The following TYK2 variants were observed in gnomAD, a reference collection of about 807,000 sequenced individuals.
The protein encoded by TYK2 is tyrosine kinase 2.
A neutral mutation model predicts 130.9 loss-of-function variants in TYK2; 65 were observed. The ratio of observed to expected loss-of-function variants is 0.50; its 90% CI spans 0.41 to 0.61. TYK2 has a LOEUF of 0.61. Ranked by LOEUF, TYK2 falls within the 20% of genes least tolerant of loss-of-function variation. The pLI, the probability that TYK2 is intolerant of heterozygous loss-of-function variation, is 0.00. For missense variants in TYK2, 1,378 were observed against 1,610.7 expected (o/e 0.86, Z 2.47); for synonymous variants, 647 against 658.9 (o/e 0.98, Z 0.28).
rs370899700 is a variant in TYK2 at position 10,354,247 on chromosome 19, G to C, written c.2716-13C>G. 1.2e-6 allele frequency: 2 copies of C among 1,609,446 alleles called. No homozygotes were observed. The highest frequency in any genetic ancestry group is 2.2e-5 in the South Asian group (2 of 91,014). On this transcript the variant is annotated splice_polypyrimidine_tract_variant and intron_variant, in intron 19 of 24. Transcript: ENST00000525621. ...TGCCGAAGTGACCCTGGTCGGGAGC[G>C]CACGAGGGTCAGCTCCACCTCCCCA... is the stretch of plus-strand genomic sequence containing the variant.
At chr19:10,373,196 C>T (rs917852028) in intron 3 of TYK2, among the ~76,000 whole-genome samples, 1 of 151,376 alleles carries the variant, frequency 6.6e-6, no homozygotes, top group Non-Finnish European at 1.5e-5. Context: ...GCCACCACGC[C>T]CGGCTAATTT....
At chr19:10,366,236 C>A (rs769259621) in intron 6 of TYK2, among the ~76,000 whole-genome samples, 181 bp downstream of exon 6, 2 of 151,522 alleles carry the variant, frequency 1.3e-5, no homozygotes, top group Non-Finnish European at 2.9e-5. Context: ...GAACCTGGGA[C>A]GCAGAGGTTG....
Position 10,361,942 on chromosome 19 carries a change from C to G in TYK2, c.1787G>C (p.Gly596Ala), listed in dbSNP as rs1437896674. The change falls in exon 13 of 25, where the codon GGC becomes GCC. Residue 596 changes from glycine to alanine, a missense_variant. Gly to Ala is a moderately conservative substitution (Grantham distance 60). Transcript: ENST00000525621. The surrounding 1 kb of genome is among the most constrained non-coding windows in gnomAD (Gnocchi z 4.0). ...ATACACGTTGGTCCTTGTGCCCTGG[C>G]CCAAGTGGGACAGCTGCGGGATCAT... ...QKEITQLSHL[G>A]QGTRTNVYEG... is the part of the protein sequence containing the mutation. 4 of 1,613,948 alleles carry G rather than the reference C, an allele frequency of 2.5e-6. No homozygotes were observed. The African/African-American group carries it at 5.3e-5, about 22-fold the overall frequency.
At chr19:10,370,240 T>C (rs1273701328) in intron 3 of TYK2, among the ~76,000 whole-genome samples, 1 of 151,580 alleles carries the variant, frequency 6.6e-6, no homozygotes, top group Non-Finnish European at 1.5e-5. Flanking sequence ...GTGCCTGTAA[T>C]TCCAGCTACT....
chr19:10,353,900 A>T lies in TYK2; in HGVS notation c.2908+142T>A. On this transcript the variant is annotated intron_variant, in intron 20 of 24. Coordinates refer to ENST00000525621, the MANE Select transcript of TYK2 (RefSeq NM_003331.5). The surrounding 1 kb of genome is among the most constrained non-coding windows in gnomAD (Gnocchi z 6.9). The stretch of plus-strand genomic sequence containing the variant: ...GGAAGGAGGCAGCCCAGCCACGCTC[A>T]CCCAGATGCCAAGAACCGCGTACTG... 1.1e-6 allele frequency: 1 copy of T among 945,648 alleles called. No homozygotes were observed. Among genetic ancestry groups the T allele is most frequent in the Non-Finnish European group, 1.6e-6 (1 of 616,410 alleles). 58.6% of individuals were successfully genotyped at this position (945,648 alleles called of 1,614,324 possible).
At position 10,353,789 on chromosome 19, in the gene TYK2, G is replaced by C. The variant is rs533669041; in HGVS notation, c.2909-143C>G. ...CTAGACCCAGTTCTCAGGTGGGATG[G>C]ACCCATCCAGAACCCCATTCTCACT... On this transcript the variant is annotated intron_variant, in intron 20 of 24. Transcript: ENST00000525621. This position sits in a 1 kb window ranked among gnomAD's most constrained non-coding sequence, Gnocchi z 6.9. 5.9e-5 allele frequency: 41 copies of C among 691,626 alleles called. 1 individual carries two copies. In the South Asian group the frequency reaches 7.8e-4, roughly 13 times the overall value. The allele number at this position is 691,626 out of a possible 1,614,324, so 42.8% of individuals were successfully genotyped here.
At chr19:10,368,981 G>T (rs1599356949) in intron 3 of TYK2, among the ~76,000 whole-genome samples, 1 of 151,956 alleles carries the variant, frequency 6.6e-6, no homozygotes, top group African/African-American at 2.4e-5. Flanking sequence ...GCTAGTTTTT[G>T]TATTTTTAGA....
intron 3 of TYK2, among the ~76,000 whole-genome samples, chr19:10,376,135 C>T (rs796557249): frequency 2.6e-4 from 39 of 147,990 alleles, no homozygotes; most frequent in East Asian, 1.5e-3. Flanking sequence ...GCCTCAGCCT[C>T]CTGAGTAGCT....
intron 5 of TYK2, among the ~76,000 whole-genome samples, chr19:10,367,770 A>C (rs2041733179): frequency 6.6e-6 from 1 of 151,306 alleles, no homozygotes; most frequent in Non-Finnish European, 1.5e-5. Context: ...AATACAAAAA[A>C]TTAGCTGGGC....
At position 10,378,350 on chromosome 19, in the gene TYK2, G is replaced by A. The variant is rs756971471; in HGVS notation, c.57C>T (p.Ala19=). ...ARGSKPVGDG[A]QPMAAMGGLK... ...GGCCTCCCATGGCAGCCATGGGCTGGGCTCCATCCCCAACGGGCTTACTGC... is the reference window on the plus strand; with the variant it reads ...GGCCTCCCATGGCAGCCATGGGCTGAGCTCCATCCCCAACGGGCTTACTGC... The change falls in exon 3 of 25, where the codon GCC becomes GCT. Residue 19 remains alanine (A), a synonymous_variant. Coordinates refer to ENST00000525621, the MANE Select transcript of TYK2 (RefSeq NM_003331.5). 3.8e-5 allele frequency: 62 copies of A among 1,612,458 alleles called. No individual in the cohort carries two copies. The South Asian group carries it at 6.4e-4, about 17-fold the overall frequency.
Position 10,350,885 on chromosome 19 carries a change from T to C in TYK2, c.3513A>G (p.Thr1171=). ...TFENLIPILK[T]VHEKYQGQAP... is the part of the protein sequence containing the mutation. ...CCTGGCCTTGGTACTTCTCATGGAC[T>C]GTCTTCAGAATGGGTATGAGGTTCT... The change falls in exon 25 of 25, where the codon ACA becomes ACG. Residue 1171 remains threonine, a synonymous_variant. Coordinates refer to ENST00000525621, the MANE Select transcript of TYK2 (RefSeq NM_003331.5). 6.2e-7 allele frequency: 1 copy of C among 1,614,166 alleles called. No individual in the cohort carries two copies. Among genetic ancestry groups the C allele is most frequent in the Non-Finnish European group, 8.5e-7 (1 of 1,180,032 alleles).
chr19:10,378,833 A>ACATCTTATCTTATCTTATCTTATCT (rs1319897948), intron 2 of TYK2, among the ~76,000 whole-genome samples: 18 of 148,916 alleles, frequency 1.2e-4, no homozygotes, highest in South Asian at 2.1e-4. Flanking sequence ...GTTTTATTTT[A>ACATCTTATCTTATCTTATCTTATCT]TATCTTATCT....
At chr19:10,369,980 C>T (rs1173354237) in intron 3 of TYK2, 1 of 324,896 alleles carries the variant, frequency 3.1e-6, no homozygotes, top group African/African-American at 2.2e-5. Flanking sequence ...GGAGGTGGAA[C>T]TTGCAGTGAG....
At chr19:10,377,500 GTGGGTGAGTGGGTGA>G (rs2042174396) in intron 3 of TYK2, among the ~76,000 whole-genome samples, 1 of 84,478 alleles carries the variant, frequency 1.2e-5, no homozygotes, top group African/African-American at 4.6e-5. Flanking sequence ...GCATGGATAG[GTGGGTGAGTGGGTGA>G]GTGGGTGGGT....
intron 18 of TYK2, among the ~76,000 whole-genome samples, chr19:10,356,204 C>T (rs2041091025): frequency 1.3e-5 from 2 of 152,084 alleles, no homozygotes; most frequent in South Asian, 4.1e-4. Flanking sequence ...CATGGCAAAA[C>T]CCCACCTCTA....
rs532739710 is a variant in TYK2 at position 10,354,010 on chromosome 19, C to T, written c.2908+32G>A. 7.4e-6 allele frequency: 12 copies of T among 1,611,220 alleles called. No individual in the cohort carries two copies. The African/African-American group carries it at 1.3e-4, about 18-fold the overall frequency. The stretch of plus-strand genomic sequence containing the variant: ...CACCCACGCTCTAACCACGCCCCCT[C>T]AAGTCTCTAGGACTCGCCGGGTCCC... On this transcript the variant is annotated intron_variant, in intron 20 of 24. Transcript: ENST00000525621.
intron 17 of TYK2, 84 bp from the exon 18 acceptor site, chr19:10,356,802 G>A: frequency 2.1e-6 from 3 of 1,454,354 alleles, no homozygotes; most frequent in Non-Finnish European, 2.8e-6. Context: ...AGTCCCCAGA[G>A]TGGACCGCCA....
rs1323264570 is a variant in TYK2, at chr19:10,357,870, C to T, written c.2360G>A (p.Gly787Glu). ...CATGGCGGTGCTTAGGCTGTTGGCCCCACCTGGTAGGCATTCGGGGGCCAG... is the reference window on the plus strand; with the variant it reads ...CATGGCGGTGCTTAGGCTGTTGGCCTCACCTGGTAGGCATTCGGGGGCCAG... ...PWLAPECLPG[G>E]ANSLSTAMDK... is the part of the protein sequence containing the mutation. The change falls in exon 17 of 25, where the codon GGG becomes GAG. Residue 787 changes from glycine (G) to glutamate (E), a missense_variant. By Grantham distance (98) the Gly-to-Glu change is moderately conservative. Transcript: ENST00000525621. 1.2e-6 allele frequency: 2 copies of T among 1,613,452 alleles called. No individual in the cohort carries two copies. Among genetic ancestry groups the T allele is most frequent in the Non-Finnish European group, 1.7e-6 (2 of 1,180,032 alleles).
intron 22 of TYK2, 91 bp from the exon 23 acceptor site, chr19:10,352,642 C>A (rs1170094674): frequency 3.9e-6 from 3 of 765,050 alleles, no homozygotes; most frequent in Non-Finnish European, 4.4e-6. Flanking sequence ...GACTGAAGGA[C>A]CCTCTGGGCT....
Sources: allele counts gnomAD v4.1 joint callset (sites outside exome capture counted in the v4.1 genomes callset), GRCh38; gene constraint gnomAD v4.1.1; non-coding constraint Gnocchi (gnomAD v3.1); transcripts MANE v1.5; gene names NCBI Gene and HGNC (gene_info 2026-07-23, HGNC 2026-07-21).